The following MAP2K1 variants were observed in gnomAD, a reference collection of about 807,000 sequenced individuals.
The protein encoded by MAP2K1 is mitogen-activated protein kinase kinase 1, also known as dual specificity mitogen-activated protein kinase kinase 1.
Under a neutral mutation model 46.3 loss-of-function variants are expected in MAP2K1, and 16 were observed. The observed-to-expected ratio is 0.35, with a 90% confidence interval of 0.23 to 0.52. The LOEUF (loss-of-function observed/expected upper bound fraction) is 0.52, where lower values mean the gene tolerates loss of function less well. MAP2K1 is among the 20% of genes least tolerant of loss of function. The pLI is 0.94. For synonymous variants in MAP2K1, 183 were observed against 185.6 expected, an observed-to-expected ratio of 0.99 and a Z score of 0.11; for missense variants, 263 against 497.1, an observed-to-expected ratio of 0.53 and a Z score of 4.48.
chr15:66,389,852 C>T (rs1377073737), intron 1 of MAP2K1, among the ~76,000 whole-genome samples: 3 of 151,988 alleles, frequency 2.0e-5, no homozygotes, highest in South Asian at 2.1e-4. Flanking sequence ...GATTACAGCC[C>T]GGCCTCTGTT....
rs892516925 is a variant in MAP2K1, at chr15:66,470,101, T to G, written c.569-11654T>G. ...ATGCCACTTTTTTTTCTTGTTTTTTTTTTTTTTTTTTTTTTTTGTGGGAAT... is the reference window on the plus strand; with the variant it reads ...ATGCCACTTTTTTTTCTTGTTTTTTGTTTTTTTTTTTTTTTTTGTGGGAAT... On this transcript the variant is annotated intron_variant, in intron 5 of 10. Coordinates refer to ENST00000307102, the MANE Select transcript of MAP2K1 (RefSeq NM_002755.4). Among the ~76,000 whole-genome samples the G allele has an allele frequency of 2.3e-3, 284 of 124,354 alleles. 1 individual carries two copies. The highest frequency in any genetic ancestry group is 0.011 in the African/African-American group (263 of 23,058). The allele number at this position is 124,354 out of a possible 152,430, so 81.6% of individuals were successfully genotyped here.
chr15:66,420,039 T>G lies in MAP2K1; in HGVS notation c.81-14988T>G, dbSNP rs1224497195. Among the ~76,000 whole-genome samples, 6 of 147,806 alleles carry G rather than the reference T, an allele frequency of 4.1e-5. No homozygotes were observed. In the East Asian group the frequency reaches 1.2e-3, roughly 30 times the overall value. ...TGGGTGGATCACCTGAGGTCAGGAG[T>G]TCGAGACCACCCTGGCCAATGTGGT... On this transcript the variant is annotated intron_variant, in intron 1 of 10. Coordinates refer to ENST00000307102, the MANE Select transcript of MAP2K1 (RefSeq NM_002755.4).
chr15:66,481,929 G>C lies in MAP2K1; in HGVS notation c.693+50G>C, dbSNP rs58205072. On this transcript the variant is annotated intron_variant, in intron 6 of 10. Transcript: ENST00000307102. ...TGAGCTTCTTGTACGGTCAGGGAGA[G>C]GAGCCCAGTGGGTGCCTTTCCTGTG... The C allele has an allele frequency of 6.7e-4, 1,069 of 1,596,370 alleles. 16 individuals carry two copies. In the East Asian group the frequency reaches 0.022, roughly 33 times the overall value.
intron 5 of MAP2K1, among the ~76,000 whole-genome samples, chr15:66,465,212 C>T (rs1892431416): frequency 6.6e-6 from 1 of 152,046 alleles, no homozygotes; most frequent in Non-Finnish European, 1.5e-5. Context: ...GCAGACAAAA[C>T]CCCTCAGACA....
rs1038395282 is a variant in MAP2K1 at position 66,443,466 on chromosome 15, A to G, written c.516+109A>G. The G allele has an allele frequency of 1.2e-5, 9 of 743,100 alleles. No homozygotes were observed. The African/African-American group carries it at 1.4e-4, about 11-fold the overall frequency. The allele number at this position is 743,100 out of a possible 1,614,324, so 46.0% of individuals were successfully genotyped here. A position where few individuals can be genotyped will look rare whatever the true frequency, so the allele number is the denominator to read the frequency against. The stretch of plus-strand genomic sequence containing the variant: ...GGAAGTCAATGAGGGGAAAGTTTAT[A>G]AGAAAAGTGGTATTTTCTCACTAGA... On this transcript the variant is annotated intron_variant, in intron 4 of 10. Coordinates refer to ENST00000307102, the MANE Select transcript of MAP2K1 (RefSeq NM_002755.4).
chr15:66,440,938 G>A (rs918370839), intron 3 of MAP2K1, among the ~76,000 whole-genome samples: 3 of 152,104 alleles, frequency 2.0e-5, no homozygotes, highest in Non-Finnish European at 2.9e-5. Flanking sequence ...AGGGAAGAGA[G>A]CCAATGTTTC....
rs140749690 is a variant in MAP2K1, at chr15:66,387,416, C to T, written c.69C>T (p.Thr23=). 142 of 1,559,168 alleles carry T rather than the reference C, an allele frequency of 9.1e-5. No individual in the cohort carries two copies. In the African/African-American group the frequency reaches 1.6e-3, roughly 18 times the overall value. The part of the protein sequence containing the change: ...PAPDGSAVNG[T]SSAETNLEAL... ...CCGACGGCTCTGCAGTTAACGGGAC[C>T]AGCTCTGCGGAGTAAGTATGGGGCG... The change falls in exon 1 of 11, where the codon ACC becomes ACT. Residue 23 remains threonine (T), a synonymous_variant. Coordinates refer to ENST00000307102, the MANE Select transcript of MAP2K1 (RefSeq NM_002755.4).
intron 1 of MAP2K1, among the ~76,000 whole-genome samples, chr15:66,400,684 T>G (rs2093379349): frequency 6.6e-6 from 1 of 152,158 alleles, no homozygotes; most frequent in African/African-American, 2.4e-5. Flanking sequence ...GTTTTCGTCT[T>G]CTCCTCCCAA....
At chr15:66,468,279 C>T (rs913827137) in intron 5 of MAP2K1, among the ~76,000 whole-genome samples, 2 of 150,668 alleles carry the variant, frequency 1.3e-5, no homozygotes, top group Non-Finnish European at 3.0e-5. Flanking sequence ...CTTTTTTTTT[C>T]CCCCCTTCTG....
chr15:66,462,334 T>C (rs1008202014), intron 5 of MAP2K1, among the ~76,000 whole-genome samples: 9 of 152,010 alleles, frequency 5.9e-5, no homozygotes, highest in African/African-American at 2.2e-4. Context: ...ACCCCATCTC[T>C]ACTAAAAATA....
chr15:66,401,015 TTG>T (rs2093380354), intron 1 of MAP2K1, among the ~76,000 whole-genome samples: 1 of 152,202 alleles, frequency 6.6e-6, no homozygotes, highest in Non-Finnish European at 1.5e-5. Flanking sequence ...GTTTATTCCA[TTG>T]TATATGTTTT....
intron 5 of MAP2K1, among the ~76,000 whole-genome samples, chr15:66,448,904 T>C (rs375325567): frequency 4.8e-5 from 7 of 146,688 alleles, no homozygotes; most frequent in Admixed American, 2.1e-4. Flanking sequence ...CTAGGGAGGC[T>C]GAGGCAAGAG....
intron 5 of MAP2K1, among the ~76,000 whole-genome samples, chr15:66,469,265 G>GT (rs1892548454): frequency 6.6e-6 from 1 of 152,100 alleles, no homozygotes; most frequent in Non-Finnish European, 1.5e-5. Flanking sequence ...CAAAATAAAA[G>GT]TTTTTTAAAC....
intron 5 of MAP2K1, among the ~76,000 whole-genome samples, chr15:66,454,438 A>G (rs1229425902): frequency 2.0e-5 from 3 of 152,244 alleles, no homozygotes; most frequent in Non-Finnish European, 4.4e-5. Flanking sequence ...TATGCAGATT[A>G]ATTAATACAT....
chr15:66,412,617 T>A (rs1200588532), intron 1 of MAP2K1, among the ~76,000 whole-genome samples: 2 of 152,358 alleles, frequency 1.3e-5, no homozygotes, highest in Admixed American at 1.3e-4. Flanking sequence ...TTAGATTGCA[T>A]CCTGGTCACA....
intron 5 of MAP2K1, among the ~76,000 whole-genome samples, chr15:66,452,514 A>G (rs909277317): frequency 6.6e-6 from 1 of 152,124 alleles, no homozygotes; most frequent in Non-Finnish European, 1.5e-5. Flanking sequence ...GTTTCTAGGA[A>G]ATAGGAGTAG....
chr15:66,421,024 A>AC (rs2140555891), intron 1 of MAP2K1, among the ~76,000 whole-genome samples: 1 of 117,442 alleles, frequency 8.5e-6, no homozygotes, highest in Admixed American at 8.9e-5. Flanking sequence ...TATACTTATA[A>AC]TTTTTATATG....
intron 1 of MAP2K1, among the ~76,000 whole-genome samples, chr15:66,425,928 A>C (rs1349573681): frequency 1.3e-5 from 2 of 152,222 alleles, no homozygotes; most frequent in Non-Finnish European, 2.9e-5. Flanking sequence ...GGCCTTCCAC[A>C]TAGAGGGGAA....
intron 1 of MAP2K1, among the ~76,000 whole-genome samples, chr15:66,409,582 C>A (rs904756719): frequency 6.6e-6 from 1 of 152,214 alleles, no homozygotes; most frequent in Non-Finnish European, 1.5e-5. Flanking sequence ...ACAGGATTCT[C>A]AGCTCTGCAA....
Sources: gnomAD v4.1 joint callset for allele counts (sites outside exome capture counted in the v4.1 genomes callset) on GRCh38, gnomAD v4.1.1 for gene constraint, MANE v1.5 for transcripts, NCBI Gene and HGNC (gene_info 2026-07-23, HGNC 2026-07-21) for gene names.